GLI2: variants seen among roughly 807,000 people sequenced by gnomAD.
GLI2 encodes GLI family zinc finger 2.
Under a neutral mutation model 78.9 loss-of-function variants are expected in GLI2, and 22 were observed. That is an observed-to-expected ratio of 0.28 (90% CI 0.20 to 0.40). GLI2 has a LOEUF of 0.40. GLI2 is among the 10% of genes least tolerant of loss of function. The pLI, the probability that GLI2 is intolerant of heterozygous loss-of-function variation, is 1.00. For missense variants in GLI2, 2,097 were observed against 2,213.2 expected, an observed-to-expected ratio of 0.95 and a Z score of 1.05; for synonymous variants, 974 against 963.7, an observed-to-expected ratio of 1.01 and a Z score of -0.20.
chr2:120,932,825 G>A (rs942291501), intron 3 of GLI2, among the ~76,000 whole-genome samples: 6 of 152,150 alleles, frequency 3.9e-5, no homozygotes, highest in South Asian at 2.1e-4. Flanking sequence ...GGCAGAGGCC[G>A]GCCACAGCAT....
intron 2 of GLI2, among the ~76,000 whole-genome samples, chr2:120,819,239 ATTTTTTT>A (rs10701244): frequency 3.0e-4 from 35 of 116,704 alleles, no homozygotes; most frequent in African/African-American, 9.7e-4. Context: ...ACTAATAGAG[ATTTTTTT>A]TTTTTTTTTT....
intron 2 of GLI2, among the ~76,000 whole-genome samples, chr2:120,830,835 GCTGT>G (rs1489963667): frequency 6.6e-6 from 1 of 152,006 alleles, no homozygotes; most frequent in African/African-American, 2.4e-5. Flanking sequence ...TGACTTTGTT[GCTGT>G]CTCTCTCACT....
intron 1 of GLI2, among the ~76,000 whole-genome samples, chr2:120,749,565 T>C (rs1682803342): frequency 6.6e-6 from 1 of 152,202 alleles, no homozygotes; most frequent in Non-Finnish European, 1.5e-5. Flanking sequence ...ACATGAGACC[T>C]CAGGCGGCAG....
intron 2 of GLI2, among the ~76,000 whole-genome samples, chr2:120,920,550 CCA>C (rs1679320582): frequency 6.6e-6 from 1 of 152,212 alleles, no homozygotes; most frequent in Non-Finnish European, 1.5e-5. Context: ...AGTACACTGC[CCA>C]CACCAATGTC....
At chr2:120,788,052 G>A (rs747143183) in intron 1 of GLI2, among the ~76,000 whole-genome samples, 1 of 152,320 alleles carries the variant, frequency 6.6e-6, no homozygotes, top group East Asian at 1.9e-4. Context: ...CTGCAGGGAT[G>A]ATAAGGCCAG....
intron 2 of GLI2, among the ~76,000 whole-genome samples, chr2:120,894,611 G>GGC (rs1558864004): frequency 6.6e-6 from 1 of 150,878 alleles, no homozygotes; most frequent in African/African-American, 2.5e-5. Context: ...TTAACCCTTG[G>GGC]GGGGGGGTAC....
intron 2 of GLI2, among the ~76,000 whole-genome samples, chr2:120,925,179 T>C (rs1411658233): frequency 1.3e-5 from 2 of 152,150 alleles, no homozygotes; most frequent in Non-Finnish European, 2.9e-5. Context: ...GCTCTGGAAG[T>C]GAGAGCTGGC....
At chr2:120,769,330 A>C (rs1199001936) in intron 1 of GLI2, among the ~76,000 whole-genome samples, 2 of 152,218 alleles carry the variant, frequency 1.3e-5, no homozygotes, top group African/African-American at 4.8e-5. Context: ...GGCAGCAAGT[A>C]CTGTCCCAGT....
At chr2:120,786,766 A>G (rs1301416813) in intron 1 of GLI2, among the ~76,000 whole-genome samples, 1 of 152,166 alleles carries the variant, frequency 6.6e-6, no homozygotes, top group East Asian at 1.9e-4. Context: ...AGCAGACATT[A>G]GAAGTCGATT....
chr2:120,927,401 G>T lies in GLI2; in HGVS notation c.189G>T (p.Pro63=). The change falls in exon 3 of 14, where the codon CCG becomes CCT. Residue 63 remains proline, a synonymous_variant. Coordinates refer to ENST00000361492, the MANE Select transcript of GLI2 (RefSeq NM_001374353.1). ...TGCCACCATTCCATGCGCCCCTACC[G>T]ATTGACATGCGACACCAGGAAGGAA... ...HLLPPFHAPL[P]IDMRHQEGRY... 2 of 1,613,996 alleles carry T rather than the reference G, an allele frequency of 1.2e-6. No homozygotes were observed. The highest frequency in any genetic ancestry group is 1.1e-5 in the South Asian group (1 of 91,068).
At chr2:120,939,783 C>T (rs1432487919) in intron 3 of GLI2, among the ~76,000 whole-genome samples, 1 of 152,146 alleles carries the variant, frequency 6.6e-6, no homozygotes, top group African/African-American at 2.4e-5. Context: ...AAATGCATGT[C>T]TGGGAATGGA....
chr2:120,870,936 A>G (rs146756205), intron 2 of GLI2, among the ~76,000 whole-genome samples: 22 of 152,298 alleles, frequency 1.4e-4, no homozygotes, highest in Non-Finnish European at 2.8e-4. Flanking sequence ...TCAAAGTTAG[A>G]TAGGAGCTGG....
rs575672659 is a variant in GLI2, at chr2:120,931,959, G to A, written c.254+4493G>A. On this transcript the variant is annotated intron_variant, in intron 3 of 13. Coordinates refer to ENST00000361492, the MANE Select transcript of GLI2 (RefSeq NM_001374353.1). ...CTCCACACTATCCTCAAGACAGTTG[G>A]TTCCCGCCAGACTGAGTGGGGGACA... Among the ~76,000 whole-genome samples the A allele has an allele frequency of 1.6e-4, 25 of 152,234 alleles. No individual in the cohort carries two copies. In the East Asian group the frequency reaches 4.7e-3, roughly 28 times the overall value.
rs114974624 is a variant in GLI2, at chr2:120,790,535, C to T, written c.-30-6756C>T. On this transcript the variant is annotated intron_variant, in intron 1 of 13. Coordinates refer to ENST00000361492, the MANE Select transcript of GLI2 (RefSeq NM_001374353.1). ...GCTGGAGTGGTGGAAGAGGGACCAGCGCAGGTAGGAGCTTGCGGTTCCCCT... is the reference window on the plus strand; with the variant it reads ...GCTGGAGTGGTGGAAGAGGGACCAGTGCAGGTAGGAGCTTGCGGTTCCCCT... 5.0e-3 allele frequency among the ~76,000 whole-genome samples: 756 copies of T among 152,222 alleles called. 6 individuals carry two copies. Among genetic ancestry groups the T allele is most frequent in the African/African-American group, 0.017 (716 of 41,538 alleles).
intron 2 of GLI2, among the ~76,000 whole-genome samples, chr2:120,839,300 C>A (rs1162849921): frequency 1.3e-5 from 2 of 152,126 alleles, no homozygotes; most frequent in African/African-American, 4.8e-5. Context: ...ACTACCAAAC[C>A]TCAGCCTGGG....
At chr2:120,969,375 G>A (rs942779499) in intron 6 of GLI2, among the ~76,000 whole-genome samples, 6 of 152,150 alleles carry the variant, frequency 3.9e-5, no homozygotes, top group East Asian at 3.9e-4. Context: ...CCTTCTGTGC[G>A]GCTCTAGTCT....
intron 2 of GLI2, among the ~76,000 whole-genome samples, chr2:120,884,512 C>G (rs2104725401): frequency 6.6e-6 from 1 of 152,312 alleles, no homozygotes; most frequent in East Asian, 1.9e-4. Flanking sequence ...AATGGGGTTT[C>G]CAGCTAAACC....
intron 3 of GLI2, among the ~76,000 whole-genome samples, chr2:120,940,616 C>T (rs1412156510): frequency 6.6e-6 from 1 of 152,222 alleles, no homozygotes; most frequent in Non-Finnish European, 1.5e-5. Context: ...TCCATTCTCT[C>T]TCTGTGACCC....
intron 1 of GLI2, among the ~76,000 whole-genome samples, chr2:120,785,153 G>A (rs1408294547): frequency 6.6e-6 from 1 of 152,184 alleles, no homozygotes; most frequent in Non-Finnish European, 1.5e-5. Flanking sequence ...GCTGCGATGA[G>A]GTGGCTGCCA....
Sources: allele counts gnomAD v4.1 joint callset (sites outside exome capture counted in the v4.1 genomes callset), GRCh38; gene constraint gnomAD v4.1.1; transcripts MANE v1.5; gene names NCBI Gene and HGNC (gene_info 2026-07-23, HGNC 2026-07-21).